The following ASAH2 variants were observed in gnomAD, a reference collection of about 807,000 sequenced individuals.
The protein encoded by ASAH2 is neutral ceramidase.
In ASAH2, 58 loss-of-function variants were observed where a neutral mutation model predicts 82.9. The ratio of observed to expected loss-of-function variants is 0.70; its 90% CI spans 0.57 to 0.87. The LOEUF is 0.87. Among genes scored for constraint, ASAH2 ranks in the 40% least tolerant of loss-of-function variants. The pLI is 0.00. For synonymous variants in ASAH2, 276 were observed against 289.7 expected, an observed-to-expected ratio of 0.95 and a Z score of 0.48; for missense variants, 779 against 834.0, an observed-to-expected ratio of 0.93 and a Z score of 0.81.
intron 12 of ASAH2, among the ~76,000 whole-genome samples, chr10:50,208,480 C>T (rs1483492869): frequency 6.6e-6 from 1 of 151,924 alleles, no homozygotes; most frequent in Non-Finnish European, 1.5e-5. Flanking sequence ...AAGGTCAATA[C>T]AGCTATCTGT....
In ASAH2 at chr10:50,219,249, C is replaced by T. The variant is rs1184500505; in HGVS notation, c.894-619G>A. Among the ~76,000 whole-genome samples, 9 of 152,294 alleles carry T rather than the reference C, an allele frequency of 5.9e-5. No individual in the cohort carries two copies. In the South Asian group the frequency reaches 1.2e-3, roughly 21 times the overall value. The stretch of plus-strand genomic sequence containing the variant: ...GGCATAATTCAGTATATCCTTATGC[C>T]TAGTAATACCTTGTTTAAGTGTAAA... On this transcript the variant is annotated intron_variant, in intron 7 of 20. Transcript: ENST00000682911.
chr10:50,203,520 T>G, intron 15 of ASAH2, 120 bp downstream of exon 15: 6 of 912,376 alleles, frequency 6.6e-6, no homozygotes, highest in Non-Finnish European at 1.1e-5. Flanking sequence ...TATTTCATAT[T>G]AACCTTAGCC....
In ASAH2 at chr10:50,202,857, T is replaced by C. The variant is rs1845190725; in HGVS notation, c.1733A>G (p.His578Arg). The change falls in exon 16 of 21, where the codon CAT (histidine) becomes CGT (arginine). Residue 578 changes from histidine to arginine, a missense_variant. Transcript: ENST00000682911. Reference protein sequence around the residue: ...VISGLCNVYTHYITTYEEYQA... With the variant: ...VISGLCNVYTRYITTYEEYQA... ...GTATTCTTCATAAGTGGTAATGTAA[T>C]GTGTATAGACGTTGCATAGACCTGA... 1.2e-6 allele frequency: 2 copies of C among 1,611,336 alleles called. No homozygotes were observed. Among genetic ancestry groups the C allele is most frequent in the African/African-American group, 1.3e-5 (1 of 74,920 alleles).
In ASAH2 at chr10:50,245,412, GC is replaced by G. The variant is rs758862345; in HGVS notation, c.169del (p.Ala57ProfsTer33). The stretch of plus-strand genomic sequence containing the variant: ...TTGGGCAGCTGTGGAGCCCTGGGTG[GC>G]TGGAGGGCTTTGGGTGGTTGAAAAA... The part of the protein sequence containing the change: ...HFFSTTQSPP[A>X]TQGSTAAQRS... On this transcript the variant is annotated frameshift_variant, in exon 3 of 21. Transcript: ENST00000682911. LOFTEE classifies it high-confidence loss of function. 6.2e-7 allele frequency: 1 copy of G among 1,613,950 alleles called. No individual in the cohort carries two copies. Among genetic ancestry groups the G allele is most frequent in the Non-Finnish European group, 8.5e-7 (1 of 1,179,964 alleles).
At chr10:50,221,388 C>A (rs1268142890) in intron 7 of ASAH2, among the ~76,000 whole-genome samples, 1 of 152,180 alleles carries the variant, frequency 6.6e-6, no homozygotes, top group Non-Finnish European at 1.5e-5. Flanking sequence ...TCAGCCAACA[C>A]TGAATATTTC....
chr10:50,214,765 T>C lies in ASAH2; in HGVS notation c.1118A>G (p.Asn373Ser). ...TACCCCACCAATGGGACAAGTGCTA[T>C]TGGCGTTATCACAGGACTCTCCTGT... The part of the protein sequence containing the change: ...INTGESCDNA[N>S]STCPIGGPSM... The change falls in exon 9 of 21, where the codon AAT becomes AGT. Residue 373 changes from asparagine to serine, a missense_variant. Transcript: ENST00000682911. 1.2e-6 allele frequency: 2 copies of C among 1,613,786 alleles called. No homozygotes were observed. Among genetic ancestry groups the C allele is most frequent in the Non-Finnish European group, 1.7e-6 (2 of 1,179,716 alleles).
chr10:50,220,032 A>G lies in ASAH2; in HGVS notation c.894-1402T>C, dbSNP rs939431795. 5.9e-5 allele frequency among the ~76,000 whole-genome samples: 9 copies of G among 152,236 alleles called. 1 individual carries two copies. The highest frequency in any genetic ancestry group is 1.2e-4 in the Non-Finnish European group (8 of 68,038). ...TCTTCAGGAAGTAAATGGCATGGAA[A>G]CAAAGGACGGGAACTGCTATACATT... On this transcript the variant is annotated intron_variant, in intron 7 of 20. Transcript: ENST00000682911.
intron 4 of ASAH2, among the ~76,000 whole-genome samples, chr10:50,237,388 G>A (rs1043444631): frequency 7.9e-5 from 12 of 152,312 alleles, no homozygotes; most frequent in Non-Finnish European, 1.5e-4. Context: ...CAAGCCATCA[G>A]AAAACTGCGG....
intron 1 of ASAH2, among the ~76,000 whole-genome samples, 59 bp downstream of exon 1, chr10:50,251,336 A>G (rs1308801961): frequency 6.6e-6 from 1 of 152,192 alleles, no homozygotes; most frequent in East Asian, 1.9e-4. Context: ...CTCTGAGACA[A>G]TAGGATAATT....
chr10:50,218,645 G>A lies in ASAH2; in HGVS notation c.894-15C>T, dbSNP rs1845670991. 1.9e-6 allele frequency: 3 copies of A among 1,613,702 alleles called. No homozygotes were observed. The highest frequency in any genetic ancestry group is 2.5e-6 in the Non-Finnish European group (3 of 1,179,638). On this transcript the variant is annotated splice_polypyrimidine_tract_variant and intron_variant, in intron 7 of 20. Transcript: ENST00000682911. ...TGGCAAACCAGCTGTAAAAGAGCAA[G>A]AAGCTCTAAATTAATCAGGAGAACG... is the stretch of plus-strand genomic sequence containing the variant.
At chr10:50,197,836 A>G (rs1845025191) in intron 17 of ASAH2, among the ~76,000 whole-genome samples, 1 of 151,900 alleles carries the variant, frequency 6.6e-6, no homozygotes, top group Non-Finnish European at 1.5e-5. Context: ...GCATAGTGAC[A>G]GTTAAACAGT....
At chr10:50,235,856 A>C (rs1846146376) in intron 5 of ASAH2, 32 bp downstream of exon 5, 8 of 1,609,870 alleles carry the variant, frequency 5.0e-6, no homozygotes, top group Non-Finnish European at 1.7e-6. Flanking sequence ...AGCAATGGTA[A>C]AGAACAGCTG....
intron 7 of ASAH2, among the ~76,000 whole-genome samples, chr10:50,222,413 G>T (rs1845773988): frequency 6.6e-6 from 1 of 151,990 alleles, no homozygotes; most frequent in African/African-American, 2.4e-5. Context: ...CAAGTAGCTG[G>T]CACTACAGAT....
intron 10 of ASAH2, 105 bp downstream of exon 10, chr10:50,212,867 G>A (rs1845495159): frequency 8.7e-7 from 1 of 1,146,186 alleles, no homozygotes; most frequent in Admixed American, 1.7e-5. Context: ...CACAACCTGA[G>A]CATTTGCTGT....
At chr10:50,212,212 C>CACAG (rs1554905804) in intron 10 of ASAH2, among the ~76,000 whole-genome samples, 1 of 151,616 alleles carries the variant, frequency 6.6e-6, no homozygotes, top group African/African-American at 2.4e-5. Context: ...CACACACACA[C>CACAG]GCAGCAAAGG....
intron 7 of ASAH2, among the ~76,000 whole-genome samples, chr10:50,226,039 G>C (rs1470865421): frequency 6.6e-6 from 1 of 151,884 alleles, no homozygotes; most frequent in Non-Finnish European, 1.5e-5. Flanking sequence ...GTTGCAGTGA[G>C]CCAAGATTGC....
chr10:50,241,897 G>A (rs1346614465), intron 4 of ASAH2, among the ~76,000 whole-genome samples: 1 of 152,066 alleles, frequency 6.6e-6, no homozygotes, highest in Non-Finnish European at 1.5e-5. Flanking sequence ...TGGGTGGAGG[G>A]CTAGGGGAGG....
At chr10:50,229,246 G>T (rs1349435172) in intron 7 of ASAH2, among the ~76,000 whole-genome samples, 2 of 151,926 alleles carry the variant, frequency 1.3e-5, no homozygotes, top group African/African-American at 4.8e-5. Context: ...CTCCCAAAGT[G>T]AATTTTGTAA....
At chr10:50,206,578 A>ACACAC (rs1845304785) in intron 12 of ASAH2, among the ~76,000 whole-genome samples, 11 of 150,546 alleles carry the variant, frequency 7.3e-5, no homozygotes, top group Non-Finnish European at 1.2e-4. Flanking sequence ...ACACACACAC[A>ACACAC]AAGCAGTAAA....
Sources: allele counts gnomAD v4.1 joint callset (sites outside exome capture counted in the v4.1 genomes callset), GRCh38; gene constraint gnomAD v4.1.1; transcripts MANE v1.5; gene names NCBI Gene and HGNC (gene_info 2026-07-23, HGNC 2026-07-21).